The following PDZRN4 variants were observed in gnomAD, a reference collection of about 807,000 sequenced individuals.
PDZRN4 encodes the protein PDZ domain-containing RING finger protein 4.
A neutral mutation model predicts 99.0 loss-of-function variants in PDZRN4; 70 were observed. The ratio of observed to expected loss-of-function variants is 0.71; its 90% CI spans 0.58 to 0.86. The LOEUF (loss-of-function observed/expected upper bound fraction) is 0.86, where lower values mean the gene tolerates loss of function less well. Ranked by LOEUF, PDZRN4 falls within the 40% of genes least tolerant of loss-of-function variation. The probability of loss-of-function intolerance (pLI) is 0.00; values close to 1 mark genes in which losing one functional copy is unlikely to be tolerated. For missense variants in PDZRN4, 1,474 were observed against 1,331.2 expected (o/e 1.11, Z -1.67); for synonymous variants, 551 against 501.6 (o/e 1.10, Z -1.32).
intron 3 of PDZRN4, among the ~76,000 whole-genome samples, chr12:41,498,131 A>G (rs1938042288): frequency 6.7e-6 from 1 of 149,636 alleles, no homozygotes; most frequent in East Asian, 2.0e-4. Flanking sequence ...TAGGTTCTCA[A>G]TCTCTCTCTC....
At chr12:41,374,617 G>A (rs1342222506) in intron 3 of PDZRN4, among the ~76,000 whole-genome samples, 2 of 152,112 alleles carry the variant, frequency 1.3e-5, no homozygotes, top group African/African-American at 4.8e-5. Flanking sequence ...AATTACACTT[G>A]AAAAAACTTG....
At chr12:41,557,148 CAAAA>C (rs112787721) in intron 7 of PDZRN4, among the ~76,000 whole-genome samples, 2 of 57,982 alleles carry the variant, frequency 3.4e-5, no homozygotes, top group African/African-American at 8.8e-5. Flanking sequence ...GAGACACTCT[CAAAA>C]AAAAAAAAAA....
intron 3 of PDZRN4, 136 bp downstream of exon 3, chr12:41,194,324 T>C: frequency 1.6e-6 from 1 of 619,372 alleles, no homozygotes; most frequent in Non-Finnish European, 2.8e-6. Context: ...GCATTATCAT[T>C]TTTACTTTCT....
At chr12:41,335,240 T>C (rs1019716247) in intron 3 of PDZRN4, among the ~76,000 whole-genome samples, 11 of 151,692 alleles carry the variant, frequency 7.3e-5, no homozygotes, top group African/African-American at 4.8e-5. Context: ...TTGCTATCAT[T>C]TTCTTTTTTT....
chr12:41,191,911 T>C (rs1039291111), intron 2 of PDZRN4, among the ~76,000 whole-genome samples: 5 of 151,912 alleles, frequency 3.3e-5, no homozygotes, highest in Admixed American at 6.6e-5. Context: ...GCCTCCCAAA[T>C]AGCTGGGATT....
At chr12:41,565,923 C>G (rs1175420775) in intron 8 of PDZRN4, among the ~76,000 whole-genome samples, 2 of 152,174 alleles carry the variant, frequency 1.3e-5, no homozygotes, top group African/African-American at 4.8e-5. Flanking sequence ...GTAACAATCC[C>G]TCTTTTCCTG....
At chr12:41,457,023 C>T (rs1952821840) in intron 3 of PDZRN4, among the ~76,000 whole-genome samples, 1 of 152,176 alleles carries the variant, frequency 6.6e-6, no homozygotes, top group African/African-American at 2.4e-5. Context: ...CCCTTAAATA[C>T]AGATGAGCCT....
chr12:41,315,580 T>C (rs1322668921), intron 3 of PDZRN4, among the ~76,000 whole-genome samples: 1 of 152,158 alleles, frequency 6.6e-6, no homozygotes, highest in Non-Finnish European at 1.5e-5. Context: ...ATTCTTGTGA[T>C]TTTCTTTAAT....
chr12:41,537,758 A>G (rs1938773645), intron 5 of PDZRN4, among the ~76,000 whole-genome samples: 1 of 152,194 alleles, frequency 6.6e-6, no homozygotes, highest in African/African-American at 2.4e-5. Flanking sequence ...TAGCAGCAAC[A>G]GAGGGAGTAG....
chr12:41,377,250 T>C (rs1321911682), intron 3 of PDZRN4, among the ~76,000 whole-genome samples: 1 of 152,190 alleles, frequency 6.6e-6, no homozygotes, highest in Non-Finnish European at 1.5e-5. Context: ...TTTTTTCCAT[T>C]TCTGTGAAAA....
At chr12:41,262,502 T>A (rs7133319) in intron 3 of PDZRN4, among the ~76,000 whole-genome samples, 2 of 152,216 alleles carry the variant, frequency 1.3e-5, no homozygotes, top group East Asian at 3.9e-4. Flanking sequence ...TATTTTGTAA[T>A]GTGTAATTCT....
At chr12:41,570,027 G>C (rs1230276167) in intron 9 of PDZRN4, among the ~76,000 whole-genome samples, 1 of 152,038 alleles carries the variant, frequency 6.6e-6, no homozygotes, top group African/African-American at 2.4e-5. Context: ...TGAATTGATA[G>C]GAGGATGTTG....
rs1209487911 is a variant in PDZRN4, at chr12:41,563,567, A to G, written c.1385A>G (p.Gln462Arg). The G allele has an allele frequency of 1.2e-6, 2 of 1,613,178 alleles. No homozygotes were observed. The highest frequency in any genetic ancestry group is 1.1e-5 in the South Asian group (1 of 91,056). The change falls in exon 8 of 10, where the codon CAG (glutamine) becomes CGG (arginine). Residue 462 changes from glutamine (Q) to arginine (R), a missense_variant. By Grantham distance (43) the Gln-to-Arg change is conservative. Coordinates refer to ENST00000402685, the MANE Select transcript of PDZRN4 (RefSeq NM_001164595.2). Reference protein sequence around the residue: ...RILQINGEDVQNREEAVALLS... With the variant: ...RILQINGEDVRNREEAVALLS... ...TTCTAGATAAATGGGGAAGATGTCC[A>G]GAATCGAGAAGAAGCAGTGGCCTTG...
At chr12:41,569,068 C>G (rs937222282) in intron 9 of PDZRN4, among the ~76,000 whole-genome samples, 5 of 151,248 alleles carry the variant, frequency 3.3e-5, no homozygotes, top group African/African-American at 1.2e-4. Flanking sequence ...TCCCAAAGTT[C>G]TGGGATTACA....
intron 3 of PDZRN4, among the ~76,000 whole-genome samples, chr12:41,401,714 C>A (rs556063893): frequency 2.0e-5 from 3 of 152,148 alleles, no homozygotes; most frequent in South Asian, 4.1e-4. Flanking sequence ...TTGGCAGAAT[C>A]TTTCCTTTCC....
intron 3 of PDZRN4, among the ~76,000 whole-genome samples, chr12:41,460,241 G>A (rs2468317): frequency 0.54 from 81,587 of 151,986 alleles, 22,878 homozygotes; most frequent in African/African-American, 0.72. Context: ...GCAAAGTTAT[G>A]CACTTGCTAC....
chr12:41,216,179 G>A (rs1264160371), intron 3 of PDZRN4, among the ~76,000 whole-genome samples: 1 of 151,896 alleles, frequency 6.6e-6, no homozygotes, highest in Non-Finnish European at 1.5e-5. Context: ...AGTACAACGA[G>A]TACATTCAAA....
chr12:41,460,884 C>T (rs1449163073), intron 3 of PDZRN4, among the ~76,000 whole-genome samples: 3 of 152,158 alleles, frequency 2.0e-5, no homozygotes, highest in Non-Finnish European at 2.9e-5. Context: ...TCATGTTGCT[C>T]GTCTAAGGGA....
chr12:41,189,264 G>C (rs1202156274), intron 1 of PDZRN4, among the ~76,000 whole-genome samples, 161 bp downstream of exon 1: 1 of 152,090 alleles, frequency 6.6e-6, no homozygotes, highest in Non-Finnish European at 1.5e-5. Flanking sequence ...ATTATCTTAC[G>C]AATGGATTGG....
Sources: allele counts gnomAD v4.1 joint callset (sites outside exome capture counted in the v4.1 genomes callset), GRCh38; gene constraint gnomAD v4.1.1; transcripts MANE v1.5; gene names NCBI Gene and HGNC (gene_info 2026-07-23, HGNC 2026-07-21).